The following LSAMP variants were observed in gnomAD, a reference collection of about 807,000 sequenced individuals.
The protein encoded by LSAMP is limbic system-associated membrane protein.
A neutral mutation model predicts 38.6 loss-of-function variants in LSAMP; 7 were observed. The ratio of observed to expected loss-of-function variants is 0.18; its 90% CI spans 0.10 to 0.34. The LOEUF is 0.34. LSAMP is among the 10% of genes least tolerant of loss of function. The pLI, the probability that LSAMP is intolerant of heterozygous loss-of-function variation, is 1.00. For synonymous variants in LSAMP, 154 were observed against 166.8 expected (o/e 0.92, Z 0.59); for missense variants, 313 against 420.0 (o/e 0.75, Z 2.23).
At chr3:116,082,292 A>G (rs1365024181) in intron 2 of LSAMP, among the ~76,000 whole-genome samples, 1 of 152,206 alleles carries the variant, frequency 6.6e-6, no homozygotes, top group Non-Finnish European at 1.5e-5. Flanking sequence ...ATTTGATTCA[A>G]TGTCATACAA....
intron 3 of LSAMP, among the ~76,000 whole-genome samples, chr3:115,931,346 G>A (rs1200325942): frequency 6.6e-6 from 1 of 152,222 alleles, no homozygotes; most frequent in Non-Finnish European, 1.5e-5. Context: ...TGGAGGTCAT[G>A]ACTAAGTTGA....
chr3:115,975,339 G>A (rs1225319212), intron 3 of LSAMP, among the ~76,000 whole-genome samples: 1 of 152,136 alleles, frequency 6.6e-6, no homozygotes, highest in East Asian at 1.9e-4. Flanking sequence ...ATGGCACTTA[G>A]CCTGTAAATA....
At chr3:116,057,742 C>A (rs1289576572) in intron 2 of LSAMP, among the ~76,000 whole-genome samples, 1 of 152,102 alleles carries the variant, frequency 6.6e-6, no homozygotes, top group Non-Finnish European at 1.5e-5. Flanking sequence ...GTCATTTGAA[C>A]TTCCAGATTC....
At chr3:116,126,861 C>CAAAACA (rs147040246) in intron 1 of LSAMP, among the ~76,000 whole-genome samples, 5 of 151,740 alleles carry the variant, frequency 3.3e-5, no homozygotes, top group African/African-American at 4.8e-5. Context: ...AACTCCACCT[C>CAAAACA]AAAACAAAAA....
chr3:116,274,127 C>A (rs1576475205), intron 1 of LSAMP, among the ~76,000 whole-genome samples: 1 of 152,210 alleles, frequency 6.6e-6, no homozygotes, highest in Middle Eastern at 3.4e-3. Context: ...GTTAACATTT[C>A]CCCCTACCCC....
chr3:115,965,348 A>T (rs1420401570), intron 3 of LSAMP, among the ~76,000 whole-genome samples: 1 of 152,020 alleles, frequency 6.6e-6, no homozygotes, highest in Non-Finnish European at 1.5e-5. Flanking sequence ...TGAAATTGTA[A>T]TCTTACTCAA....
At chr3:115,888,249 C>CT (rs1449125951) in intron 3 of LSAMP, among the ~76,000 whole-genome samples, 1 of 151,864 alleles carries the variant, frequency 6.6e-6, no homozygotes, top group Non-Finnish European at 1.5e-5. Flanking sequence ...TAAGTAAATG[C>CT]TTTTTAAGTG....
chr3:115,863,666 C>T (rs558553604), intron 3 of LSAMP, among the ~76,000 whole-genome samples: 7 of 151,564 alleles, frequency 4.6e-5, no homozygotes, highest in Non-Finnish European at 8.8e-5. Flanking sequence ...CAGAAGTGTG[C>T]GGTTAGGGAA....
At chr3:116,308,204 A>G (rs537577756) in intron 1 of LSAMP, among the ~76,000 whole-genome samples, 2 of 152,108 alleles carry the variant, frequency 1.3e-5, no homozygotes, top group South Asian at 4.1e-4. Flanking sequence ...TATACAAAGT[A>G]TGAAGCTTTT....
intron 1 of LSAMP, among the ~76,000 whole-genome samples, chr3:116,105,749 A>G (rs972887771): frequency 2.6e-5 from 4 of 152,250 alleles, no homozygotes; most frequent in Admixed American, 6.5e-5. Context: ...CGTGCAAGTC[A>G]CAGGGGATGC....
intron 3 of LSAMP, among the ~76,000 whole-genome samples, chr3:115,950,689 G>T (rs1156587318): frequency 6.6e-6 from 1 of 150,950 alleles, no homozygotes; most frequent in Admixed American, 6.6e-5. Flanking sequence ...CACAGATTAA[G>T]TGCAATTCCT....
intron 1 of LSAMP, among the ~76,000 whole-genome samples, chr3:116,102,959 T>C (rs1708380727): frequency 6.6e-6 from 1 of 152,194 alleles, no homozygotes; most frequent in African/African-American, 2.4e-5. Context: ...AGAAGATATT[T>C]CTTAAAGTCC....
chr3:116,409,411 C>T (rs1445925431), intron 1 of LSAMP, among the ~76,000 whole-genome samples: 1 of 152,018 alleles, frequency 6.6e-6, no homozygotes, highest in Non-Finnish European at 1.5e-5. Flanking sequence ...GTAGTTTTCA[C>T]TCATCCCATT....
chr3:116,152,706 AAAG>A (rs1299970757), intron 1 of LSAMP, among the ~76,000 whole-genome samples: 9 of 152,126 alleles, frequency 5.9e-5, no homozygotes, highest in African/African-American at 1.7e-4. Flanking sequence ...AATTGAAATG[AAAG>A]AAGATCATGT....
chr3:116,264,772 C>CTAAT (rs2046871528), intron 1 of LSAMP, among the ~76,000 whole-genome samples: 2 of 152,054 alleles, frequency 1.3e-5, no homozygotes, highest in Non-Finnish European at 2.9e-5. Flanking sequence ...CAGCTATTTT[C>CTAAT]TAATTTTTAC....
chr3:115,935,916 A>G (rs1050864915), intron 3 of LSAMP, among the ~76,000 whole-genome samples: 1 of 152,204 alleles, frequency 6.6e-6, no homozygotes, highest in African/African-American at 2.4e-5. Flanking sequence ...CACATGCTGT[A>G]ATACCTGTCC....
chr3:116,024,341 A>C (rs1940727329), intron 2 of LSAMP, among the ~76,000 whole-genome samples: 1 of 152,226 alleles, frequency 6.6e-6, no homozygotes, highest in South Asian at 2.1e-4. Flanking sequence ...CAAGAAAGGT[A>C]TCTCACAGAA....
intron 1 of LSAMP, among the ~76,000 whole-genome samples, chr3:116,350,079 C>CTT (rs2048116353): frequency 6.6e-6 from 1 of 151,870 alleles, no homozygotes; most frequent in South Asian, 2.1e-4. Flanking sequence ...ACATATGTTA[C>CTT]TTTGGATATT....
intron 1 of LSAMP, among the ~76,000 whole-genome samples, chr3:116,324,733 C>G (rs2047747283): frequency 6.6e-6 from 1 of 152,072 alleles, no homozygotes; most frequent in Non-Finnish European, 1.5e-5. Context: ...AATTATTTTT[C>G]TCTTCTTCAG....
Sources: gnomAD v4.1 joint callset for allele counts (sites outside exome capture counted in the v4.1 genomes callset) on GRCh38, gnomAD v4.1.1 for gene constraint, MANE v1.5 for transcripts, NCBI Gene and HGNC (gene_info 2026-07-23, HGNC 2026-07-21) for gene names.